ANGPT1: variants seen among roughly 807,000 people sequenced by gnomAD.
The protein encoded by ANGPT1 is angiopoietin-1.
Under a neutral mutation model 62.2 loss-of-function variants are expected in ANGPT1, and 17 were observed. The observed-to-expected ratio is 0.27, with a 90% CI of 0.19 to 0.41. The LOEUF is 0.41. ANGPT1 is among the 10% of genes least tolerant of loss of function. The pLI is 1.00. For missense variants in ANGPT1, 478 were observed against 594.9 expected (o/e 0.80, Z 2.04); for synonymous variants, 199 against 198.9 (o/e 1.00, Z 0.00).
chr8:107,255,970 T>C (rs191247576), intron 8 of ANGPT1, among the ~76,000 whole-genome samples: 14 of 152,316 alleles, frequency 9.2e-5, no homozygotes, highest in Admixed American at 2.6e-4. Flanking sequence ...ATGAAAATAA[T>C]TAGACCCAAA....
At chr8:107,400,386 G>A (rs1817021263) in intron 1 of ANGPT1, among the ~76,000 whole-genome samples, 1 of 152,080 alleles carries the variant, frequency 6.6e-6, no homozygotes, top group Non-Finnish European at 1.5e-5. Flanking sequence ...CACATAGTAG[G>A]TCCTGTATAA....
rs182457743 is a variant in ANGPT1 at position 107,284,502 on chromosome 8, T to C, written c.1205+180A>G. 514 of 460,906 alleles carry C rather than the reference T, an allele frequency of 1.1e-3. 1 individual carries two copies. The highest frequency in any genetic ancestry group is 5.6e-3 in the Middle Eastern group (9 of 1,604). The allele number at this position is 460,906 out of a possible 1,614,324, so 28.6% of individuals were successfully genotyped here. ...ATAGTCAACCTACGAAAACTGAAAT[T>C]TAAATCTTTGAAAAAGTCTTTACAG... is the stretch of plus-strand genomic sequence containing the variant. On this transcript the variant is annotated intron_variant, in intron 7 of 8. Coordinates refer to ENST00000517746, the MANE Select transcript of ANGPT1 (RefSeq NM_001146.5).
intron 1 of ANGPT1, among the ~76,000 whole-genome samples, chr8:107,392,779 T>C (rs1030474850): frequency 1.3e-5 from 2 of 152,202 alleles, no homozygotes; most frequent in African/African-American, 4.8e-5. Flanking sequence ...GTTTCATATG[T>C]GGTATAATGT....
intron 1 of ANGPT1, among the ~76,000 whole-genome samples, chr8:107,389,045 A>G (rs568780153): frequency 4.6e-5 from 7 of 152,288 alleles, no homozygotes; most frequent in African/African-American, 1.4e-4. Context: ...CAGATGGAGC[A>G]AATGGACCCA....
chr8:107,307,208 T>C (rs1814739830), intron 4 of ANGPT1, among the ~76,000 whole-genome samples: 2 of 152,080 alleles, frequency 1.3e-5, no homozygotes, highest in African/African-American at 4.8e-5. Context: ...TCCCTTTTCT[T>C]TCTTCTTAGC....
chr8:107,264,070 G>A (rs1427603117), intron 8 of ANGPT1, 151 bp downstream of exon 8: 4 of 884,918 alleles, frequency 4.5e-6, no homozygotes, highest in East Asian at 3.0e-5. Context: ...ACACAAGAAC[G>A]CAGGGTAAAT....
intron 1 of ANGPT1, among the ~76,000 whole-genome samples, chr8:107,401,962 T>G (rs1209622418): frequency 6.6e-6 from 1 of 152,134 alleles, no homozygotes; most frequent in Non-Finnish European, 1.5e-5. Context: ...GATAAAATAA[T>G]AGTCAGACAA....
chr8:107,423,986 G>A (rs1039521822), intron 1 of ANGPT1, among the ~76,000 whole-genome samples: 2 of 151,452 alleles, frequency 1.3e-5, no homozygotes, highest in Non-Finnish European at 1.5e-5. Context: ...GATTACAGGT[G>A]TGCACCACCA....
intron 1 of ANGPT1, among the ~76,000 whole-genome samples, chr8:107,397,441 T>TTGTGTGTG (rs3036540): frequency 2.7e-5 from 4 of 150,322 alleles, no homozygotes; most frequent in Non-Finnish European, 1.5e-5. Flanking sequence ...AAAATGTTGC[T>TTGTGTGTG]TGTGTGTGTG....
chr8:107,429,704 T>A (rs184053622), intron 1 of ANGPT1, among the ~76,000 whole-genome samples: 1 of 151,974 alleles, frequency 6.6e-6, no homozygotes, highest in African/African-American at 2.4e-5. Flanking sequence ...ACTAGTTAGT[T>A]TTTGGATTGC....
At chr8:107,287,560 C>G (rs1173495247) in intron 6 of ANGPT1, among the ~76,000 whole-genome samples, 1 of 152,062 alleles carries the variant, frequency 6.6e-6, no homozygotes, top group Admixed American at 6.6e-5. Flanking sequence ...TTCTAATAGC[C>G]AAGTGCAGTG....
At chr8:107,308,197 C>T (rs751669895) in intron 4 of ANGPT1, among the ~76,000 whole-genome samples, 4 of 149,068 alleles carry the variant, frequency 2.7e-5, no homozygotes, top group East Asian at 2.0e-4. Context: ...CAGCCTGATG[C>T]GAAAAAGATC....
intron 1 of ANGPT1, among the ~76,000 whole-genome samples, chr8:107,456,795 A>T (rs1306213365): frequency 6.6e-6 from 1 of 152,070 alleles, no homozygotes; most frequent in East Asian, 1.9e-4. Flanking sequence ...TATAAAATGA[A>T]ATGTAAATCT....
At chr8:107,459,699 C>T (rs1563632454) in intron 1 of ANGPT1, among the ~76,000 whole-genome samples, 1 of 151,796 alleles carries the variant, frequency 6.6e-6, no homozygotes, top group Admixed American at 6.6e-5. Context: ...GTACATGGTC[C>T]AACATGTTTG....
rs1813233897 is a variant in ANGPT1, at chr8:107,250,815, G to C, written c.*1040C>G. 6.6e-6 allele frequency: 1 copy of C among 151,954 alleles called. No homozygotes were observed. The allele number at this position is 151,954 out of a possible 1,614,324, so 9.4% of individuals were successfully genotyped here. A position where few individuals can be genotyped will look rare whatever the true frequency, so the allele number is the denominator to read the frequency against. ...GCAAGACATAACAGGGTGAGTATTGGAGTTCTAAAAATATTTTTAAAATAA... is the reference window on the plus strand; with the variant it reads ...GCAAGACATAACAGGGTGAGTATTGCAGTTCTAAAAATATTTTTAAAATAA... On this transcript the variant is annotated 3_prime_UTR_variant, in exon 9 of 9. Transcript: ENST00000517746.
intron 1 of ANGPT1, among the ~76,000 whole-genome samples, chr8:107,373,453 C>A (rs567997111): frequency 7.6e-4 from 115 of 152,204 alleles, no homozygotes; most frequent in Non-Finnish European, 1.5e-3. Context: ...ACTCTGGAAA[C>A]TGGATAGCAA....
At chr8:107,285,653 G>T (rs12545727) in intron 6 of ANGPT1, among the ~76,000 whole-genome samples, 42,589 of 151,800 alleles carry the variant, frequency 0.28, 7,306 homozygotes, top group Admixed American at 0.39. Flanking sequence ...TTCTTTGTAG[G>T]GAGAAAAAAG....
intron 1 of ANGPT1, among the ~76,000 whole-genome samples, chr8:107,408,633 A>G (rs1755351330): frequency 6.6e-6 from 1 of 152,180 alleles, no homozygotes; most frequent in African/African-American, 2.4e-5. Flanking sequence ...GTGATAATGG[A>G]TGGCAAATAA....
chr8:107,379,548 G>T (rs1467430580), intron 1 of ANGPT1, among the ~76,000 whole-genome samples: 1 of 74,296 alleles, frequency 1.3e-5, no homozygotes, highest in Non-Finnish European at 4.0e-5. Flanking sequence ...CTCAGAGGAG[G>T]TTAAAAAAAA....
Sources: allele counts gnomAD v4.1 joint callset (sites outside exome capture counted in the v4.1 genomes callset), GRCh38; gene constraint gnomAD v4.1.1; transcripts MANE v1.5; gene names NCBI Gene and HGNC (gene_info 2026-07-23, HGNC 2026-07-21).